Variants in MITF observed in about 807,000 individuals in gnomAD.
MITF encodes the protein melanocyte inducing transcription factor.
A neutral mutation model predicts 60.5 loss-of-function variants in MITF; 17 were observed. That is an observed-to-expected ratio of 0.28 (90% CI 0.19 to 0.42). The LOEUF (loss-of-function observed/expected upper bound fraction) is 0.42, where lower values mean the gene tolerates loss of function less well. MITF is among the 10% of genes least tolerant of loss of function. MITF has a pLI of 1.00. For synonymous variants in MITF, 260 were observed against 248.5 expected (o/e 1.05, Z -0.43); for missense variants, 622 against 683.5 (o/e 0.91, Z 1.00).
intron 2 of MITF, among the ~76,000 whole-genome samples, chr3:69,915,259 G>T (rs998794076): frequency 6.6e-6 from 1 of 152,130 alleles, no homozygotes; most frequent in Admixed American, 6.5e-5. Flanking sequence ...GAATCTCATT[G>T]CAGTGATTTC....
intron 2 of MITF, among the ~76,000 whole-genome samples, chr3:69,927,315 A>G (rs2065615873): frequency 6.6e-6 from 1 of 152,162 alleles, no homozygotes; most frequent in African/African-American, 2.4e-5. Flanking sequence ...TGGGAGTTGA[A>G]CAATGAGAAC....
chr3:69,777,314 T>A (rs1290135400), intron 1 of MITF, among the ~76,000 whole-genome samples: 1 of 152,236 alleles, frequency 6.6e-6, no homozygotes, highest in African/African-American at 2.4e-5. Context: ...GTGGCATCAC[T>A]GGAAATGAAT....
chr3:69,894,452 G>A (rs529529820), intron 2 of MITF, among the ~76,000 whole-genome samples: 10 of 152,250 alleles, frequency 6.6e-5, no homozygotes, highest in Admixed American at 2.0e-4. Context: ...TTGGGAGGCC[G>A]AGGTGGGTGG....
At chr3:69,942,420 C>A (rs2065990068) in intron 5 of MITF, among the ~76,000 whole-genome samples, 1 of 152,084 alleles carries the variant, frequency 6.6e-6, no homozygotes, top group Non-Finnish European at 1.5e-5. Context: ...TACTTAGGTA[C>A]ACCAGAATCC....
At chr3:69,912,296 G>T (rs1473274383) in intron 2 of MITF, among the ~76,000 whole-genome samples, 3 of 152,106 alleles carry the variant, frequency 2.0e-5, no homozygotes, top group African/African-American at 7.2e-5. Flanking sequence ...AACTTATGGG[G>T]CTTATTGTTG....
chr3:69,911,015 A>G (rs568499427), intron 2 of MITF, among the ~76,000 whole-genome samples: 2 of 152,142 alleles, frequency 1.3e-5, no homozygotes, highest in African/African-American at 2.4e-5. Context: ...CTTGAATTGT[A>G]TCTCCCAGAA....
intron 1 of MITF, among the ~76,000 whole-genome samples, chr3:69,818,611 A>G (rs1377891385): frequency 6.6e-6 from 1 of 152,202 alleles, no homozygotes; most frequent in African/African-American, 2.4e-5. Flanking sequence ...TCTAGCACCT[A>G]TGTAGCATTT....
At position 69,965,653 on chromosome 3, in the gene MITF, GAAAA is replaced by G. The variant is rs886058810; in HGVS notation, c.*413_*416del. ...TGAAAGAATGTAAAGCAACCAAAAA[GAAAA>G]AAAAAAAGAAAGAAAGAGGAAAAGA... On this transcript the variant is annotated 3_prime_UTR_variant, in exon 10 of 10. Coordinates refer to ENST00000352241, the MANE Select transcript of MITF (RefSeq NM_001354604.2). 5 of 194,204 alleles carry G rather than the reference GAAAA, an allele frequency of 2.6e-5. No individual in the cohort carries two copies. The highest frequency in any genetic ancestry group is 1.8e-4 in the Admixed American group (3 of 16,236). 12.0% of individuals were successfully genotyped at this position (194,204 alleles called of 1,614,324 possible). A position where few individuals can be genotyped will look rare whatever the true frequency, so the allele number is the denominator to read the frequency against.
intron 1 of MITF, among the ~76,000 whole-genome samples, chr3:69,874,514 C>T (rs1240971615): frequency 2.0e-5 from 3 of 152,182 alleles, no homozygotes; most frequent in African/African-American, 7.2e-5. Flanking sequence ...TAATCCTCAC[C>T]ACAGTGCTGA....
intron 2 of MITF, among the ~76,000 whole-genome samples, chr3:69,909,861 A>G (rs1017106333): frequency 1.3e-5 from 2 of 152,240 alleles, no homozygotes; most frequent in Non-Finnish European, 2.9e-5. Context: ...GAAAATTTGC[A>G]GCCTGATGAT....
intron 1 of MITF, among the ~76,000 whole-genome samples, chr3:69,812,281 C>T (rs1575751661): frequency 6.6e-6 from 1 of 151,844 alleles, no homozygotes; most frequent in South Asian, 2.1e-4. Context: ...GGTGCAGTCT[C>T]ATAGGGCTGG....
At position 69,950,106 on chromosome 3, in the gene MITF, A is replaced by C. The variant is rs149670676; in HGVS notation, c.880+938A>C. 3.3e-5 allele frequency among the ~76,000 whole-genome samples: 5 copies of C among 152,180 alleles called. No individual in the cohort carries two copies. In the East Asian group the frequency reaches 9.6e-4, roughly 29 times the overall value. ...AAGTAGCTACCCTACCAAAAAGGAA[A>C]ATTACTGCAAGACAACAACAACAAC... is the stretch of plus-strand genomic sequence containing the variant. On this transcript the variant is annotated intron_variant, in intron 6 of 9. Transcript: ENST00000352241.
rs551173196 is a variant in MITF, at chr3:69,966,968, A to G, written c.*1720A>G. On this transcript the variant is annotated 3_prime_UTR_variant, in exon 10 of 10. Coordinates refer to ENST00000352241, the MANE Select transcript of MITF (RefSeq NM_001354604.2). Reference sequence around the variant, plus strand: ...TATGTAGACAATATAAGAGCTTCCAATTTTCCTTCAGATATTTTTAATATT... The same window carrying G: ...TATGTAGACAATATAAGAGCTTCCAGTTTTCCTTCAGATATTTTTAATATT... 1.1e-4 allele frequency: 26 copies of G among 232,250 alleles called. No homozygotes were observed. Among genetic ancestry groups the G allele is most frequent in the African/African-American group, 5.3e-4 (24 of 45,382 alleles). 14.4% of individuals were successfully genotyped at this position (232,250 alleles called of 1,614,324 possible). A position where few individuals can be genotyped will look rare whatever the true frequency, so the allele number is the denominator to read the frequency against.
chr3:69,759,812 C>T (rs1405641012), intron 1 of MITF, among the ~76,000 whole-genome samples: 1 of 152,108 alleles, frequency 6.6e-6, no homozygotes, highest in Non-Finnish European at 1.5e-5. Context: ...AAGTCTCGCT[C>T]TGTCGTCCAG....
intron 2 of MITF, among the ~76,000 whole-genome samples, chr3:69,921,455 T>C (rs1224966287): frequency 6.6e-6 from 1 of 152,188 alleles, no homozygotes; most frequent in Non-Finnish European, 1.5e-5. Context: ...TTCTATATAG[T>C]TTTAGGGCAT....
chr3:69,748,122 C>T (rs926067505), intron 1 of MITF, among the ~76,000 whole-genome samples: 4 of 152,208 alleles, frequency 2.6e-5, no homozygotes, highest in African/African-American at 9.6e-5. Flanking sequence ...TGTTCACCAA[C>T]TTTGACATCC....
At chr3:69,746,299 C>CT (rs1164436179) in intron 1 of MITF, among the ~76,000 whole-genome samples, 12 of 152,098 alleles carry the variant, frequency 7.9e-5, no homozygotes, top group Non-Finnish European at 1.5e-4. Flanking sequence ...GGAAAATATC[C>CT]TTTTTTTAGA....
At chr3:69,783,487 GAT>G (rs149413358) in intron 1 of MITF, among the ~76,000 whole-genome samples, 52 of 145,738 alleles carry the variant, frequency 3.6e-4, no homozygotes, top group Middle Eastern at 3.6e-3. Flanking sequence ...TGATATGTAG[GAT>G]ATATATATAT....
chr3:69,916,708 T>C (rs2065342679), intron 2 of MITF, among the ~76,000 whole-genome samples: 1 of 152,220 alleles, frequency 6.6e-6, no homozygotes, highest in African/African-American at 2.4e-5. Context: ...AATAAACTTA[T>C]GACTGTCATA....
Sources: gnomAD v4.1 joint callset for allele counts (sites outside exome capture counted in the v4.1 genomes callset) on GRCh38, gnomAD v4.1.1 for gene constraint, MANE v1.5 for transcripts, NCBI Gene and HGNC (gene_info 2026-07-23, HGNC 2026-07-21) for gene names.